MYO3B: variants seen among roughly 807,000 people sequenced by gnomAD.
MYO3B encodes myosin IIIB.
In MYO3B, 156 loss-of-function variants were observed where a neutral mutation model predicts 174.6. That is an observed-to-expected ratio of 0.89 (90% CI 0.78 to 1.02). The LOEUF is 1.02. Ranked by LOEUF, MYO3B falls within the 50% of genes least tolerant of loss-of-function variation. MYO3B has a pLI of 0.00. For synonymous variants in MYO3B, 563 were observed against 569.1 expected (o/e 0.99, Z 0.15); for missense variants, 1,632 against 1,639.4 (o/e 1.00, Z 0.08).
At chr2:170,360,342 T>C (rs1324581763) in intron 8 of MYO3B, among the ~76,000 whole-genome samples, 2 of 152,114 alleles carry the variant, frequency 1.3e-5, no homozygotes, top group African/African-American at 4.8e-5. Flanking sequence ...TGGAAATTGA[T>C]TTTCGAATCA....
chr2:170,295,953 A>G (rs895291754), intron 7 of MYO3B, among the ~76,000 whole-genome samples: 1 of 152,206 alleles, frequency 6.6e-6, no homozygotes, highest in Non-Finnish European at 1.5e-5. Flanking sequence ...AAGCCAGTAG[A>G]GTGCACCTTT....
At position 170,450,568 on chromosome 2, in the gene MYO3B, T is replaced by A. The variant is rs140549607; in HGVS notation, c.2730+6522T>A. 4.4e-3 allele frequency among the ~76,000 whole-genome samples: 649 copies of A among 146,952 alleles called. 4 individuals carry two copies. The highest frequency in any genetic ancestry group is 0.016 in the African/African-American group (634 of 40,370). On this transcript the variant is annotated intron_variant, in intron 23 of 34. Transcript: ENST00000408978. ...ATCTGTCTCTTCTCTCTCCCCTCCCTTTTTTTTTTGTAGTTTACTCAAAAG... is the reference window on the plus strand; with the variant it reads ...ATCTGTCTCTTCTCTCTCCCCTCCCATTTTTTTTTGTAGTTTACTCAAAAG...
At chr2:170,223,731 AC>A (rs1364846979) in intron 6 of MYO3B, among the ~76,000 whole-genome samples, 1 of 152,184 alleles carries the variant, frequency 6.6e-6, no homozygotes, top group Non-Finnish European at 1.5e-5. Flanking sequence ...TACCTAAAAA[AC>A]TTTTTCTACC....
intron 7 of MYO3B, among the ~76,000 whole-genome samples, chr2:170,269,964 C>T (rs983500963): frequency 2.0e-5 from 3 of 152,164 alleles, no homozygotes; most frequent in Non-Finnish European, 4.4e-5. Context: ...AACGATGCTG[C>T]TGGTCTGGGG....
At chr2:170,577,968 T>G (rs1307190551) in intron 32 of MYO3B, among the ~76,000 whole-genome samples, 1 of 152,214 alleles carries the variant, frequency 6.6e-6, no homozygotes, top group Non-Finnish European at 1.5e-5. Flanking sequence ...AGAATATGTG[T>G]GTACTGTATG....
intron 25 of MYO3B, among the ~76,000 whole-genome samples, chr2:170,473,760 T>G (rs1685132478): frequency 6.6e-6 from 1 of 152,202 alleles, no homozygotes; most frequent in Non-Finnish European, 1.5e-5. Context: ...AAAAATGATT[T>G]TTTTTCGAAA....
intron 7 of MYO3B, among the ~76,000 whole-genome samples, chr2:170,284,906 T>A (rs1458586442): frequency 2.0e-5 from 3 of 152,230 alleles, no homozygotes; most frequent in African/African-American, 7.2e-5. Flanking sequence ...CATATATTTA[T>A]AATATAGAGT....
intron 32 of MYO3B, among the ~76,000 whole-genome samples, chr2:170,633,382 T>G (rs1436147121): frequency 5.3e-5 from 8 of 152,146 alleles, no homozygotes; most frequent in Non-Finnish European, 1.2e-4. Context: ...CATGATTATC[T>G]CAACAGATGC....
intron 18 of MYO3B, 119 bp downstream of exon 18, chr2:170,401,810 T>G: frequency 3.0e-6 from 3 of 1,012,384 alleles, no homozygotes; most frequent in Non-Finnish European, 4.2e-6. Context: ...TTCTTTTTTT[T>G]TTTTTTTGTG....
At chr2:170,501,322 G>A (rs1687256200) in intron 27 of MYO3B, among the ~76,000 whole-genome samples, 2 of 151,982 alleles carry the variant, frequency 1.3e-5, no homozygotes, top group Admixed American at 6.6e-5. Context: ...CCTTAACTCC[G>A]CTCTTTCTCT....
intron 30 of MYO3B, among the ~76,000 whole-genome samples, chr2:170,520,458 T>C (rs371782795): frequency 4.9e-5 from 7 of 142,762 alleles, no homozygotes; most frequent in East Asian, 2.0e-4. Flanking sequence ...CATATATATA[T>C]ACACACACAT....
intron 25 of MYO3B, among the ~76,000 whole-genome samples, chr2:170,470,709 A>G (rs1402367703): frequency 6.6e-6 from 1 of 152,110 alleles, no homozygotes; most frequent in Non-Finnish European, 1.5e-5. Flanking sequence ...TGAGAGTCCC[A>G]ATTTTTCCAC....
chr2:170,239,035 T>A (rs1574636239), intron 7 of MYO3B, among the ~76,000 whole-genome samples: 3 of 152,248 alleles, frequency 2.0e-5, no homozygotes, highest in East Asian at 1.9e-4. Context: ...CCTGTCAGCA[T>A]GTGTCATCTC....
intron 32 of MYO3B, among the ~76,000 whole-genome samples, chr2:170,570,662 G>A (rs1487061152): frequency 6.6e-6 from 1 of 152,150 alleles, no homozygotes; most frequent in Non-Finnish European, 1.5e-5. Context: ...GATCATTATT[G>A]TAAGGCCAGC....
At chr2:170,651,137 A>T (rs981050381) in intron 32 of MYO3B, among the ~76,000 whole-genome samples, 1 of 152,150 alleles carries the variant, frequency 6.6e-6, no homozygotes. Context: ...AAAGCATTTC[A>T]GTAAATTTTA....
chr2:170,551,344 A>T (rs200253030), intron 32 of MYO3B, among the ~76,000 whole-genome samples: 2 of 8,110 alleles, frequency 2.5e-4, no homozygotes, highest in African/African-American at 7.8e-4. Context: ...ATTTAATTTA[A>T]TTTAATTATT....
intron 1 of MYO3B, among the ~76,000 whole-genome samples, chr2:170,184,043 T>A (rs1270702103): frequency 6.6e-6 from 1 of 152,054 alleles, no homozygotes; most frequent in Non-Finnish European, 1.5e-5. Context: ...TGTGGTTTTA[T>A]GTTTGTTTAT....
intron 25 of MYO3B, among the ~76,000 whole-genome samples, chr2:170,476,335 C>T (rs1233205872): frequency 1.3e-5 from 2 of 152,206 alleles, no homozygotes; most frequent in East Asian, 1.9e-4. Flanking sequence ...TCAGTGGACC[C>T]TCTGCCTTTT....
At chr2:170,339,385 C>G (rs1047883920) in intron 8 of MYO3B, among the ~76,000 whole-genome samples, 1 of 152,188 alleles carries the variant, frequency 6.6e-6, no homozygotes, top group Admixed American at 6.5e-5. Context: ...GTAACAGAGT[C>G]GATTCAATAC....
Sources: allele counts gnomAD v4.1 joint callset (sites outside exome capture counted in the v4.1 genomes callset), GRCh38; gene constraint gnomAD v4.1.1; transcripts MANE v1.5; gene names NCBI Gene and HGNC (gene_info 2026-07-23, HGNC 2026-07-21).